ZMAT4: variants seen among roughly 807,000 people sequenced by gnomAD.
ZMAT4 encodes the protein zinc finger matrin-type protein 4.
In ZMAT4, 17 loss-of-function variants were observed where a neutral mutation model predicts 28.7. That is an observed-to-expected ratio of 0.59 (90% CI 0.41 to 0.89). ZMAT4 has a LOEUF of 0.89. Ranked by LOEUF, ZMAT4 falls within the 40% of genes least tolerant of loss-of-function variation. The pLI is 0.00. For missense variants in ZMAT4, 240 were observed against 283.8 expected, an observed-to-expected ratio of 0.85 and a Z score of 1.11; for synonymous variants, 117 against 109.2, an observed-to-expected ratio of 1.07 and a Z score of -0.44.
At chr8:40,628,210 G>A (rs1225562392) in intron 5 of ZMAT4, among the ~76,000 whole-genome samples, 1 of 152,168 alleles carries the variant, frequency 6.6e-6, no homozygotes, top group Non-Finnish European at 1.5e-5. Context: ...GTACAAAGAA[G>A]AGATTTATTG....
intron 3 of ZMAT4, among the ~76,000 whole-genome samples, chr8:40,758,431 C>T (rs1215186215): frequency 3.9e-5 from 6 of 152,126 alleles, no homozygotes; most frequent in Admixed American, 2.0e-4. Context: ...ATCATTATCC[C>T]TTTCAAAAAA....
chr8:40,684,898 C>T (rs905557185), intron 4 of ZMAT4, among the ~76,000 whole-genome samples: 15 of 151,934 alleles, frequency 9.9e-5, no homozygotes, highest in African/African-American at 3.1e-4. Flanking sequence ...CCACCCCCAC[C>T]CCTGAAAAAA....
intron 2 of ZMAT4, among the ~76,000 whole-genome samples, chr8:40,794,009 T>C (rs1401987085): frequency 6.6e-6 from 1 of 152,250 alleles, no homozygotes; most frequent in Non-Finnish European, 1.5e-5. Context: ...TTAAGCAGAA[T>C]GTCCACTTTC....
chr8:40,553,054 T>C (rs1366099522), intron 6 of ZMAT4, among the ~76,000 whole-genome samples: 2 of 152,138 alleles, frequency 1.3e-5, no homozygotes, highest in Non-Finnish European at 2.9e-5. Context: ...GGGTTAAAGG[T>C]GTGTGACTTT....
In ZMAT4 at chr8:40,587,754, C is replaced by G. The variant is rs965428035; in HGVS notation, c.578-6493G>C. 2.6e-5 allele frequency among the ~76,000 whole-genome samples: 4 copies of G among 151,794 alleles called. No individual in the cohort carries two copies. The South Asian group carries it at 8.3e-4, about 32-fold the overall frequency. On this transcript the variant is annotated intron_variant, in intron 5 of 6. Coordinates refer to ENST00000297737, the MANE Select transcript of ZMAT4 (RefSeq NM_024645.3). ...GAAAACAGATAGCAAAATTATGGAG[C>G]TAAAGTCAACCATATTAATATTTAC...
chr8:40,617,873 A>T (rs1051250257), intron 5 of ZMAT4, among the ~76,000 whole-genome samples: 1 of 152,228 alleles, frequency 6.6e-6, no homozygotes, highest in South Asian at 2.1e-4. Context: ...CCCAAGATAC[A>T]TGCAATGTTT....
chr8:40,714,652 A>C (rs1011594697), intron 3 of ZMAT4, among the ~76,000 whole-genome samples: 1 of 152,200 alleles, frequency 6.6e-6, no homozygotes, highest in Non-Finnish European at 1.5e-5. Flanking sequence ...TTCTAGCTGG[A>C]GAAGCTGACC....
rs955622293 is a variant in ZMAT4, at chr8:40,886,968, G to A, written c.-5+10715C>T. On this transcript the variant is annotated intron_variant, in intron 1 of 6. Coordinates refer to ENST00000297737, the MANE Select transcript of ZMAT4 (RefSeq NM_024645.3). Reference sequence around the variant, plus strand: ...GGGCAGAACACGAGGTCAGGAGATCGAGACCAACCTGGCTAACATGGTGAA... The same window carrying A: ...GGGCAGAACACGAGGTCAGGAGATCAAGACCAACCTGGCTAACATGGTGAA... Among the ~76,000 whole-genome samples the A allele has an allele frequency of 3.3e-5, 5 of 151,894 alleles. No individual in the cohort carries two copies. In the East Asian group the frequency reaches 5.8e-4, roughly 18 times the overall value.
chr8:40,696,392 C>G (rs778329676), intron 4 of ZMAT4, among the ~76,000 whole-genome samples: 2 of 152,166 alleles, frequency 1.3e-5, no homozygotes, highest in African/African-American at 4.8e-5. Context: ...ATTCATTAGA[C>G]AGCAGATAAA....
At chr8:40,634,543 A>C (rs1806720773) in intron 5 of ZMAT4, among the ~76,000 whole-genome samples, 1 of 152,352 alleles carries the variant, frequency 6.6e-6, no homozygotes, top group Middle Eastern at 3.4e-3. Flanking sequence ...CAGAAATTTA[A>C]ATGTAAGCCA....
At chr8:40,890,290 G>T (rs1818623177) in intron 1 of ZMAT4, among the ~76,000 whole-genome samples, 1 of 152,104 alleles carries the variant, frequency 6.6e-6, no homozygotes. Context: ...GTCCAGTGTG[G>T]ATCCTTCTCC....
intron 4 of ZMAT4, among the ~76,000 whole-genome samples, chr8:40,679,302 T>C (rs1809046201): frequency 6.6e-6 from 1 of 152,178 alleles, no homozygotes; most frequent in Non-Finnish European, 1.5e-5. Flanking sequence ...ATAATAATCA[T>C]AGTTGATTTA....
intron 1 of ZMAT4, among the ~76,000 whole-genome samples, chr8:40,837,888 TC>T (rs1816554885): frequency 6.6e-6 from 1 of 152,162 alleles, no homozygotes; most frequent in Admixed American, 6.5e-5. Flanking sequence ...TGCCAAGAAG[TC>T]TGCTCTGTTT....
At chr8:40,603,412 T>C (rs960827860) in intron 5 of ZMAT4, among the ~76,000 whole-genome samples, 26 of 152,186 alleles carry the variant, frequency 1.7e-4, no homozygotes, top group Non-Finnish European at 3.2e-4. Flanking sequence ...TGCGGACTCT[T>C]TTTTTGGTTC....
chr8:40,557,277 T>C (rs1047384944), intron 6 of ZMAT4, among the ~76,000 whole-genome samples: 6 of 152,168 alleles, frequency 3.9e-5, no homozygotes, highest in Non-Finnish European at 5.9e-5. Flanking sequence ...ATATACACAA[T>C]AGAATACTCT....
At chr8:40,768,160 T>C (rs139164076) in intron 2 of ZMAT4, among the ~76,000 whole-genome samples, 2 of 152,254 alleles carry the variant, frequency 1.3e-5, no homozygotes, top group African/African-American at 2.4e-5. Flanking sequence ...TCACCCCCAA[T>C]AGAAGCCTTT....
chr8:40,555,180 T>A (rs546876565), intron 6 of ZMAT4, among the ~76,000 whole-genome samples: 3 of 152,294 alleles, frequency 2.0e-5, no homozygotes, highest in African/African-American at 4.8e-5. Flanking sequence ...TAATATTCCA[T>A]TGTGTATATA....
intron 5 of ZMAT4, among the ~76,000 whole-genome samples, chr8:40,641,728 C>T (rs1001040136): frequency 6.6e-6 from 1 of 152,078 alleles, no homozygotes; most frequent in Admixed American, 6.6e-5. Context: ...GATCTGCCTT[C>T]TTAGCAAATT....
chr8:40,817,254 C>A (rs1375581341), intron 2 of ZMAT4, among the ~76,000 whole-genome samples: 1 of 152,138 alleles, frequency 6.6e-6, no homozygotes, highest in Non-Finnish European at 1.5e-5. Context: ...GACATTATGA[C>A]ACTAAATTAG....
Sources: gnomAD v4.1 joint callset for allele counts (sites outside exome capture counted in the v4.1 genomes callset) on GRCh38, gnomAD v4.1.1 for gene constraint, MANE v1.5 for transcripts, NCBI Gene and HGNC (gene_info 2026-07-23, HGNC 2026-07-21) for gene names.